The following TRDN variants were observed in gnomAD, a reference collection of about 807,000 sequenced individuals.
TRDN encodes the protein triadin.
In TRDN, 161 loss-of-function variants were observed where a neutral mutation model predicts 149.7. The ratio of observed to expected loss-of-function variants is 1.08; its 90% CI spans 0.95 to 1.23. TRDN has a LOEUF of 1.23. TRDN is among the 50% of genes most tolerant of loss of function. The pLI is 0.00. For missense variants in TRDN, 896 were observed against 823.5 expected, an observed-to-expected ratio of 1.09 and a Z score of -1.08; for synonymous variants, 294 against 250.5, an observed-to-expected ratio of 1.17 and a Z score of -1.64.
At chr6:123,603,045 G>C (rs1189823383) in intron 1 of TRDN, among the ~76,000 whole-genome samples, 1 of 145,182 alleles carries the variant, frequency 6.9e-6, no homozygotes, top group Non-Finnish European at 1.5e-5. Context: ...TTAAATTTCA[G>C]ATATTCAGAA....
chr6:123,590,814 T>C (rs6900222), intron 1 of TRDN, among the ~76,000 whole-genome samples: 4,250 of 152,084 alleles, frequency 0.028, 157 homozygotes, highest in African/African-American at 0.087. Context: ...GCACGATAAA[T>C]ATAATGTGCT....
intron 12 of TRDN, among the ~76,000 whole-genome samples, chr6:123,422,674 C>T (rs1773957666): frequency 6.6e-6 from 1 of 152,140 alleles, no homozygotes. Flanking sequence ...TGAATGGAAT[C>T]ATTGCTGCTC....
chr6:123,565,830 T>C (rs1562392895), intron 2 of TRDN, among the ~76,000 whole-genome samples: 1 of 152,208 alleles, frequency 6.6e-6, no homozygotes, highest in Admixed American at 6.5e-5. Context: ...CGTCAATTTA[T>C]CCTGCAGCTC....
intron 24 of TRDN, among the ~76,000 whole-genome samples, chr6:123,287,919 T>C (rs1282469117): frequency 6.6e-6 from 1 of 152,024 alleles, no homozygotes; most frequent in Non-Finnish European, 1.5e-5. Flanking sequence ...ATTGTAATGA[T>C]AGGGACTTTA....
chr6:123,273,584 A>T (rs1332142792), intron 27 of TRDN, among the ~76,000 whole-genome samples: 1 of 152,038 alleles, frequency 6.6e-6, no homozygotes, highest in African/African-American at 2.4e-5. Context: ...GAAAATAAAT[A>T]ATAAAATACT....
intron 38 of TRDN, among the ~76,000 whole-genome samples, chr6:123,225,354 T>A (rs923975617): frequency 5.9e-5 from 9 of 151,810 alleles, no homozygotes; most frequent in Middle Eastern, 3.4e-3. Flanking sequence ...TTTATTTATT[T>A]ATTTTACCAC....
rs544679393 is a variant in TRDN at position 123,426,173 on chromosome 6, A to G, written c.1051+11890T>C. Among the ~76,000 whole-genome samples the G allele has an allele frequency of 6.6e-5, 10 of 152,274 alleles. No homozygotes were observed. In the East Asian group the frequency reaches 1.2e-3, roughly 18 times the overall value. On this transcript the variant is annotated intron_variant, in intron 12 of 40. Coordinates refer to ENST00000334268, the MANE Select transcript of TRDN (RefSeq NM_006073.4). ...GAGACAGATGAGACAGATGAAGTAC[A>G]TGGTTGGATTTGATGGTCAGAGCTT...
At chr6:123,257,273 C>T (rs554070884) in intron 35 of TRDN, among the ~76,000 whole-genome samples, 40 of 150,930 alleles carry the variant, frequency 2.7e-4, no homozygotes, top group African/African-American at 3.6e-4. Context: ...CAACCACGCC[C>T]GGCATGTTTA....
At chr6:123,535,483 G>T (rs376487274) in intron 4 of TRDN, among the ~76,000 whole-genome samples, 2 of 152,042 alleles carry the variant, frequency 1.3e-5, no homozygotes, top group South Asian at 2.1e-4. Context: ...GATCCTTATC[G>T]CTATTCATCT....
At chr6:123,287,935 A>AT (rs1216577783) in intron 24 of TRDN, among the ~76,000 whole-genome samples, 2 of 151,906 alleles carry the variant, frequency 1.3e-5, no homozygotes, top group African/African-American at 4.8e-5. Context: ...CTTTAGCCTT[A>AT]TTTTTTATTA....
chr6:123,556,628 T>G (rs911514049), intron 2 of TRDN, among the ~76,000 whole-genome samples: 2 of 151,292 alleles, frequency 1.3e-5, no homozygotes, highest in Non-Finnish European at 2.9e-5. Flanking sequence ...CTTCCTCCTA[T>G]TCCTCTTCCT....
At chr6:123,271,070 T>A in intron 30 of TRDN, 69 bp downstream of exon 30, 7 of 886,350 alleles carry the variant, frequency 7.9e-6, no homozygotes, top group Middle Eastern at 3.3e-4. Flanking sequence ...TGTGTCTGCA[T>A]GCACACATAT....
Position 123,402,664 on chromosome 6 carries a change from C to T in TRDN, c.1052-8987G>A, listed in dbSNP as rs1048440914. Among the ~76,000 whole-genome samples the T allele has an allele frequency of 7.2e-5, 11 of 152,168 alleles. No individual in the cohort carries two copies. In the East Asian group the frequency reaches 2.1e-3, roughly 29 times the overall value. The stretch of plus-strand genomic sequence containing the variant: ...CAGTGTTTTGAAGAGATAAAAGTGT[C>T]CATGATTGTCTGGGAAAGGGCTTCT... On this transcript the variant is annotated intron_variant, in intron 12 of 40. Coordinates refer to ENST00000334268, the MANE Select transcript of TRDN (RefSeq NM_006073.4).
intron 1 of TRDN, among the ~76,000 whole-genome samples, chr6:123,585,303 G>C (rs573492849): frequency 6.6e-6 from 1 of 152,004 alleles, no homozygotes; most frequent in East Asian, 1.9e-4. Flanking sequence ...ATTAAAAGGA[G>C]TGCTTAAAAG....
At chr6:123,433,844 C>G (rs1774441313) in intron 12 of TRDN, 1 of 152,120 alleles carries the variant, frequency 6.6e-6, no homozygotes, top group South Asian at 2.1e-4. Context: ...GCCTGTTTCT[C>G]TTGTGTGTCT....
At chr6:123,296,171 A>G (rs1444913786) in intron 24 of TRDN, among the ~76,000 whole-genome samples, 1 of 152,146 alleles carries the variant, frequency 6.6e-6, no homozygotes, top group Non-Finnish European at 1.5e-5. Flanking sequence ...GCTTTAATCT[A>G]TCAGAGCATG....
At chr6:123,403,079 C>G (rs1230946651) in intron 12 of TRDN, among the ~76,000 whole-genome samples, 1 of 152,102 alleles carries the variant, frequency 6.6e-6, no homozygotes, top group African/African-American at 2.4e-5. Flanking sequence ...AGAGCGTGAA[C>G]AATTTTTCCC....
At chr6:123,537,950 G>C (rs1266995005) in intron 4 of TRDN, among the ~76,000 whole-genome samples, 1 of 152,158 alleles carries the variant, frequency 6.6e-6, no homozygotes, top group Non-Finnish European at 1.5e-5. Context: ...TACATGGCCA[G>C]TTTAAAGCAT....
At position 123,242,276 on chromosome 6, in the gene TRDN, A is replaced by C. The variant is rs78872362; in HGVS notation, c.1975+10136T>G. 3.3e-5 allele frequency among the ~76,000 whole-genome samples: 5 copies of C among 152,310 alleles called. No homozygotes were observed. In the East Asian group the frequency reaches 9.6e-4, roughly 29 times the overall value. ...GCTTTTTTAGAGAAAAAGTTTTCAAAAAATTTAAAATGTTAATATCAGGAA... is the reference window on the plus strand; with the variant it reads ...GCTTTTTTAGAGAAAAAGTTTTCAACAAATTTAAAATGTTAATATCAGGAA... On this transcript the variant is annotated intron_variant, in intron 38 of 40. Coordinates refer to ENST00000334268, the MANE Select transcript of TRDN (RefSeq NM_006073.4).
Sources: gnomAD v4.1 joint callset for allele counts (sites outside exome capture counted in the v4.1 genomes callset) on GRCh38, gnomAD v4.1.1 for gene constraint, MANE v1.5 for transcripts, NCBI Gene and HGNC (gene_info 2026-07-23, HGNC 2026-07-21) for gene names.